STIM1: variants seen among roughly 807,000 people sequenced by gnomAD.
STIM1 encodes the protein stromal interaction molecule 1.
In STIM1, 25 loss-of-function variants were observed where a neutral mutation model predicts 74.7. The ratio of observed to expected loss-of-function variants is 0.33; its 90% CI spans 0.24 to 0.47. The LOEUF (loss-of-function observed/expected upper bound fraction) is 0.47, where lower values mean the gene tolerates loss of function less well. Among genes scored for constraint, STIM1 ranks in the 20% least tolerant of loss-of-function variants. The pLI, the probability that STIM1 is intolerant of heterozygous loss-of-function variation, is 1.00. For synonymous variants in STIM1, 328 were observed against 348.8 expected (o/e 0.94, Z 0.66); for missense variants, 728 against 920.8 (o/e 0.79, Z 2.71).
chr11:3,937,780 C>G (rs544810483), intron 1 of STIM1, among the ~76,000 whole-genome samples: 2 of 152,130 alleles, frequency 1.3e-5, no homozygotes, highest in African/African-American at 2.4e-5. Context: ...AGAAGTGTTT[C>G]TAGCTTCCAC....
intron 2 of STIM1, among the ~76,000 whole-genome samples, chr11:4,008,050 A>G: frequency 6.6e-6 from 1 of 152,146 alleles, no homozygotes; most frequent in Admixed American, 6.5e-5. Flanking sequence ...TACATATTTT[A>G]TATATAGTCA....
At chr11:4,010,018 GC>G (rs1197345481) in intron 2 of STIM1, among the ~76,000 whole-genome samples, 21 of 152,152 alleles carry the variant, frequency 1.4e-4, no homozygotes, top group Admixed American at 2.0e-4. Flanking sequence ...TCACTATGTT[GC>G]CCAGACTAGT....
At chr11:3,870,869 C>T (rs1002297297) in intron 1 of STIM1, among the ~76,000 whole-genome samples, 31 of 98,128 alleles carry the variant, frequency 3.2e-4, no homozygotes, top group African/African-American at 1.1e-3. Context: ...ATCAGCTACT[C>T]TTTTTTTTTT....
intron 2 of STIM1, among the ~76,000 whole-genome samples, chr11:3,981,066 C>T (rs144672862): frequency 2.6e-5 from 4 of 151,478 alleles, no homozygotes; most frequent in East Asian, 1.9e-4. Flanking sequence ...GGTGTGATCT[C>T]GGCTCACTGC....
At chr11:4,033,341 G>A (rs1162291000) in intron 3 of STIM1, among the ~76,000 whole-genome samples, 1 of 152,224 alleles carries the variant, frequency 6.6e-6, no homozygotes, top group South Asian at 2.1e-4. Flanking sequence ...GGCGATGCGG[G>A]CTCTTTTTTG....
intron 3 of STIM1, among the ~76,000 whole-genome samples, chr11:4,050,394 C>T (rs947910775): frequency 1.2e-4 from 18 of 152,250 alleles, no homozygotes; most frequent in East Asian, 1.9e-4. Flanking sequence ...TCAGATAGAT[C>T]GTAATAGGTG....
chr11:3,886,138 T>G (rs2091695722), intron 1 of STIM1, among the ~76,000 whole-genome samples: 1 of 152,238 alleles, frequency 6.6e-6, no homozygotes, highest in South Asian at 2.1e-4. Flanking sequence ...GATGATATCT[T>G]GAATATCACA....
intron 12 of STIM1, 171 bp downstream of exon 12, chr11:4,086,714 C>T (rs763742622): frequency 7.8e-5 from 120 of 1,537,832 alleles, no homozygotes; most frequent in Non-Finnish European, 9.9e-5. Context: ...ACCACTACCA[C>T]CACCACCACC....
chr11:4,044,012 C>CA (rs1402863043), intron 3 of STIM1, among the ~76,000 whole-genome samples: 20 of 148,454 alleles, frequency 1.3e-4, no homozygotes, highest in South Asian at 2.1e-4. Flanking sequence ...GACTCCGCCT[C>CA]AAAAAAAAAG....
At chr11:3,920,696 T>G (rs1011299015) in intron 1 of STIM1, among the ~76,000 whole-genome samples, 1 of 152,152 alleles carries the variant, frequency 6.6e-6, no homozygotes, top group Non-Finnish European at 1.5e-5. Context: ...GGAAACTACC[T>G]TCTGCTCTCC....
chr11:4,015,992 C>T (rs1429260627), intron 2 of STIM1, among the ~76,000 whole-genome samples: 3 of 152,140 alleles, frequency 2.0e-5, no homozygotes, highest in African/African-American at 7.2e-5. Flanking sequence ...TTAGAACATG[C>T]TCCTTTAGGT....
chr11:3,984,125 T>A (rs1013459987), intron 2 of STIM1, among the ~76,000 whole-genome samples: 49 of 152,250 alleles, frequency 3.2e-4, no homozygotes, highest in African/African-American at 1.1e-3. Context: ...CTTGGCCTCC[T>A]AAAGTACTGG....
chr11:3,992,245 C>CAAA lies in STIM1; in HGVS notation c.270+24572_270+24574dup, dbSNP rs1035191840. Among the ~76,000 whole-genome samples the CAAA allele has an allele frequency of 3.6e-5, 5 of 137,580 alleles. No individual in the cohort carries two copies. In the South Asian group the frequency reaches 6.9e-4, roughly 19 times the overall value. 90.3% of individuals were successfully genotyped at this position (137,580 alleles called of 152,430 possible). On this transcript the variant is annotated intron_variant, in intron 2 of 12. Coordinates refer to ENST00000526596, the MANE Select transcript of STIM1 (RefSeq NM_001382567.1). ...GCAATGTGGCAGAACTTGGTCTCTA[C>CAAA]AAAAAAAAAAACACAAAAATTAGCT...
intron 3 of STIM1, among the ~76,000 whole-genome samples, chr11:4,029,863 T>C (rs2094033559): frequency 6.6e-6 from 1 of 152,234 alleles, no homozygotes; most frequent in South Asian, 2.1e-4. Context: ...AGTTTGGTGA[T>C]GTTTTTGTGA....
intron 1 of STIM1, among the ~76,000 whole-genome samples, chr11:3,943,344 A>C (rs1452395114): frequency 6.6e-6 from 1 of 152,186 alleles, no homozygotes; most frequent in Non-Finnish European, 1.5e-5. Flanking sequence ...CCATTTAAGG[A>C]GTGCTTTTCT....
At chr11:4,001,767 C>G (rs2093719952) in intron 2 of STIM1, among the ~76,000 whole-genome samples, 1 of 149,050 alleles carries the variant, frequency 6.7e-6, no homozygotes, top group African/African-American at 2.5e-5. Context: ...GGACTAAATG[C>G]TCCAATTAAA....
intron 2 of STIM1, among the ~76,000 whole-genome samples, chr11:4,008,416 G>A (rs1185261290): frequency 6.6e-6 from 1 of 152,040 alleles, no homozygotes; most frequent in Admixed American, 6.6e-5. Context: ...TTATAAACAA[G>A]GGTTAAGTTC....
intron 3 of STIM1, among the ~76,000 whole-genome samples, chr11:4,036,719 A>G (rs1049710854): frequency 1.3e-5 from 2 of 151,904 alleles, no homozygotes; most frequent in African/African-American, 2.4e-5. Flanking sequence ...TTTTCTTTGT[A>G]TATTTGTTTA....
At chr11:4,044,443 G>A (rs1402441260) in intron 3 of STIM1, among the ~76,000 whole-genome samples, 2 of 152,134 alleles carry the variant, frequency 1.3e-5, no homozygotes, top group African/African-American at 4.8e-5. Context: ...TGAACCTTGG[G>A]GACAGGGAGC....
Sources: gnomAD v4.1 joint callset for allele counts (sites outside exome capture counted in the v4.1 genomes callset) on GRCh38, gnomAD v4.1.1 for gene constraint, MANE v1.5 for transcripts, NCBI Gene and HGNC (gene_info 2026-07-23, HGNC 2026-07-21) for gene names.